Variants in PPP6R3 observed in about 807,000 individuals in gnomAD.
PPP6R3 encodes the protein protein phosphatase 6 regulatory subunit 3.
PPP6R3 carries 38 observed loss-of-function variants against 110.7 expected under a neutral mutation model. The observed-to-expected ratio is 0.34, with a 90% CI of 0.26 to 0.45. PPP6R3 has a LOEUF of 0.45. Ranked by LOEUF, PPP6R3 falls within the 20% of genes least tolerant of loss-of-function variation. The pLI, the probability that PPP6R3 is intolerant of heterozygous loss-of-function variation, is 1.00. For missense variants in PPP6R3, 870 were observed against 1,062.4 expected, an observed-to-expected ratio of 0.82 and a Z score of 2.52; for synonymous variants, 369 against 373.5, an observed-to-expected ratio of 0.99 and a Z score of 0.14.
intron 3 of PPP6R3, among the ~76,000 whole-genome samples, chr11:68,542,988 C>T (rs535292022): frequency 6.6e-6 from 1 of 152,266 alleles, no homozygotes; most frequent in Admixed American, 6.5e-5. Context: ...TGAGTGAGTG[C>T]ATCTCCCCAA....
At chr11:68,478,150 A>C (rs1182594372) in intron 1 of PPP6R3, among the ~76,000 whole-genome samples, 1 of 151,688 alleles carries the variant, frequency 6.6e-6, no homozygotes, top group African/African-American at 2.4e-5. Flanking sequence ...GGGTTTTACC[A>C]TGTTGGCCAG....
In PPP6R3 at chr11:68,615,231, TTC is replaced by T; in HGVS notation, c.*2116_*2117del. ...CCCTCATTTTGTTTCTACTTTTAAT[TTC>T]TGTGTGTTGGCCATACTGAATTATG... On this transcript the variant is annotated 3_prime_UTR_variant, in exon 24 of 24. Coordinates refer to ENST00000393800, the MANE Select transcript of PPP6R3 (RefSeq NM_001164161.2). The T allele has an allele frequency of 2.6e-6, 1 of 382,014 alleles. No homozygotes were observed. The highest frequency in any genetic ancestry group is 2.0e-5 in the South Asian group (1 of 50,880). 23.7% of individuals were successfully genotyped at this position (382,014 alleles called of 1,614,324 possible). A position where few individuals can be genotyped will look rare whatever the true frequency, so the allele number is the denominator to read the frequency against.
chr11:68,494,340 A>G (rs1454206303), intron 1 of PPP6R3, among the ~76,000 whole-genome samples: 1 of 147,644 alleles, frequency 6.8e-6, no homozygotes, highest in East Asian at 2.1e-4. Flanking sequence ...CCTGTCCCAC[A>G]TGGTGAAAGC....
At chr11:68,607,932 C>G (rs1263399220) in intron 22 of PPP6R3, among the ~76,000 whole-genome samples, 1 of 151,962 alleles carries the variant, frequency 6.6e-6, no homozygotes, top group Admixed American at 6.6e-5. Flanking sequence ...TGCCACCACT[C>G]CTGGCTTAAT....
intron 13 of PPP6R3, among the ~76,000 whole-genome samples, chr11:68,574,985 T>C (rs1455404245): frequency 6.6e-6 from 1 of 152,254 alleles, no homozygotes; most frequent in African/African-American, 2.4e-5. Context: ...CAAGAGGCTA[T>C]TCCCTGTTGA....
rs573017402 is a variant in PPP6R3 at position 68,575,556 on chromosome 11, T to C, written c.1460-402T>C. ...GCATTTTCTAGACTTAACTTGACCA[T>C]GGAAAAAGATCCCCCTACCCCCGAC... On this transcript the variant is annotated intron_variant, in intron 13 of 23. Coordinates refer to ENST00000393800, the MANE Select transcript of PPP6R3 (RefSeq NM_001164161.2). Among the ~76,000 whole-genome samples, 4 of 152,300 alleles carry C rather than the reference T, an allele frequency of 2.6e-5. No homozygotes were observed. The East Asian group carries it at 7.7e-4, about 29-fold the overall frequency.
At chr11:68,581,079 T>C (rs1295483136) in intron 14 of PPP6R3, among the ~76,000 whole-genome samples, 3 of 152,142 alleles carry the variant, frequency 2.0e-5, no homozygotes, top group Non-Finnish European at 4.4e-5. Flanking sequence ...CCTAGGTAGA[T>C]CATCTTTTTA....
intron 4 of PPP6R3, among the ~76,000 whole-genome samples, chr11:68,546,645 C>T (rs2099350326): frequency 6.6e-6 from 1 of 152,164 alleles, no homozygotes; most frequent in South Asian, 2.1e-4. Context: ...GTGTATGCAA[C>T]TGTAAGGACA....
At chr11:68,501,002 T>C (rs760872346) in intron 1 of PPP6R3, among the ~76,000 whole-genome samples, 1 of 152,216 alleles carries the variant, frequency 6.6e-6, no homozygotes, top group African/African-American at 2.4e-5. Flanking sequence ...CTGGTCATCT[T>C]GAGTGCATCA....
chr11:68,579,947 T>A (rs2099546900), intron 14 of PPP6R3, among the ~76,000 whole-genome samples: 1 of 152,248 alleles, frequency 6.6e-6, no homozygotes, highest in Non-Finnish European at 1.5e-5. Context: ...ATTGCCTTTG[T>A]CACAATGTAT....
At chr11:68,527,607 C>T (rs2099206541) in intron 2 of PPP6R3, among the ~76,000 whole-genome samples, 1 of 97,710 alleles carries the variant, frequency 1.0e-5, no homozygotes, top group Admixed American at 1.2e-4. Context: ...CTTCCAATGT[C>T]TGCTTTTGTT....
intron 1 of PPP6R3, among the ~76,000 whole-genome samples, chr11:68,477,081 C>G (rs2098837844): frequency 6.6e-6 from 1 of 150,730 alleles, no homozygotes; most frequent in African/African-American, 2.4e-5. Context: ...GATTTTGATT[C>G]TTTGAAATGT....
At chr11:68,576,788 A>G (rs2099533434) in intron 14 of PPP6R3, among the ~76,000 whole-genome samples, 1 of 152,194 alleles carries the variant, frequency 6.6e-6, no homozygotes, top group Non-Finnish European at 1.5e-5. Context: ...GTTTAATTCT[A>G]TATTTCAAAT....
chr11:68,525,293 T>TA (rs1374274690), intron 2 of PPP6R3, among the ~76,000 whole-genome samples: 2 of 152,202 alleles, frequency 1.3e-5, no homozygotes, highest in African/African-American at 4.8e-5. Flanking sequence ...TAGCTGCTGT[T>TA]AAAAATTATG....
intron 7 of PPP6R3, among the ~76,000 whole-genome samples, chr11:68,556,193 A>G (rs1241131524): frequency 1.3e-5 from 2 of 152,220 alleles, no homozygotes; most frequent in African/African-American, 2.4e-5. Flanking sequence ...ACTCCACTGT[A>G]TATATGAACA....
intron 2 of PPP6R3, chr11:68,535,481 C>T (rs2099265145): frequency 6.6e-6 from 1 of 152,234 alleles, no homozygotes; most frequent in Non-Finnish European, 1.5e-5. Flanking sequence ...GGTGGATCAT[C>T]ACAGTGGCTG....
At chr11:68,510,125 C>CTT (rs1039702059) in intron 1 of PPP6R3, among the ~76,000 whole-genome samples, 2 of 129,640 alleles carry the variant, frequency 1.5e-5, no homozygotes, top group African/African-American at 5.9e-5. Context: ...ATGGTGTCCT[C>CTT]TAACTCCTGA....
intron 22 of PPP6R3, among the ~76,000 whole-genome samples, chr11:68,608,095 A>C (rs2153967932): frequency 6.6e-6 from 1 of 152,102 alleles, no homozygotes; most frequent in South Asian, 2.1e-4. Flanking sequence ...GAGTTAGATT[A>C]TATTAAAGTT....
chr11:68,608,203 AT>A lies in PPP6R3; in HGVS notation c.2451-1699del, dbSNP rs992256659. Among the ~76,000 whole-genome samples the A allele has an allele frequency of 4.9e-4, 74 of 152,338 alleles. No individual in the cohort carries two copies. The Middle Eastern group carries it at 0.027, about 56-fold the overall frequency. ...GTAGCTAAATCAACAAGAGACTGAC[AT>A]TATATATTCAAGGACTTCCTATAAA... On this transcript the variant is annotated intron_variant, in intron 22 of 23. Coordinates refer to ENST00000393800, the MANE Select transcript of PPP6R3 (RefSeq NM_001164161.2).
Sources: allele counts gnomAD v4.1 joint callset (sites outside exome capture counted in the v4.1 genomes callset), GRCh38; gene constraint gnomAD v4.1.1; transcripts MANE v1.5; gene names NCBI Gene and HGNC (gene_info 2026-07-23, HGNC 2026-07-21).